CPA5: variants seen among roughly 807,000 people sequenced by gnomAD.
CPA5 encodes the protein carboxypeptidase A5, also known as testicular tissue protein Li 32.
In CPA5, 38 loss-of-function variants were observed where a neutral mutation model predicts 52.2. The observed-to-expected ratio is 0.73, with a 90% CI of 0.56 to 0.95. CPA5 has a LOEUF of 0.95. Ranked by LOEUF, CPA5 falls within the 40% of genes least tolerant of loss-of-function variation. CPA5 has a pLI of 0.00. For synonymous variants in CPA5, 198 were observed against 213.7 expected (o/e 0.93, Z 0.64); for missense variants, 519 against 566.7 (o/e 0.92, Z 0.86).
In CPA5 at chr7:130,346,569, G is replaced by C. The variant is rs1199541584; in HGVS notation, c.84G>C (p.Leu28=). Residue 28 remains leucine (L), a synonymous_variant, in exon 3 of 13, where the codon CTG becomes CTC. Coordinates refer to ENST00000474905, the MANE Select transcript of CPA5 (RefSeq NM_080385.5). ...CACTCCTGGTCTTCAGCTTTATCCTGGCAGCAGCTTTGGGCCAAATGAATT... is the reference window on the plus strand; with the variant it reads ...CACTCCTGGTCTTCAGCTTTATCCTCGCAGCAGCTTTGGGCCAAATGAATT... The part of the protein sequence containing the change: ...RRTLLVFSFI[L]AAALGQMNFT... 3.1e-6 allele frequency: 5 copies of C among 1,613,872 alleles called. No individual in the cohort carries two copies. Among genetic ancestry groups the C allele is most frequent in the Non-Finnish European group, 4.2e-6 (5 of 1,179,928 alleles).
At position 130,355,396 on chromosome 7, in the gene CPA5, G is replaced by GGTGTGTGT. The variant is rs147556341; in HGVS notation, c.334-4176_334-4169dup. Among the ~76,000 whole-genome samples, 473 of 149,266 alleles carry GGTGTGTGT rather than the reference G, an allele frequency of 3.2e-3. 5 individuals carry two copies. Among genetic ancestry groups the GGTGTGTGT allele is most frequent in the African/African-American group, 0.011 (450 of 40,822 alleles). Reference sequence around the variant, plus strand: ...CCCTTCTAATCCTCATGAGAACATTGGTGTGTGTGTGTGTGTGTGTGTGTT... The same window carrying GGTGTGTGT: ...CCCTTCTAATCCTCATGAGAACATTGGTGTGTGTGTGTGTGTGTGTGTGTGTGTGTGTT... On this transcript the variant is annotated intron_variant, in intron 5 of 12. Transcript: ENST00000474905.
intron 5 of CPA5, among the ~76,000 whole-genome samples, chr7:130,354,958 G>C (rs1215513031): frequency 6.6e-6 from 1 of 152,168 alleles, no homozygotes; most frequent in Non-Finnish European, 1.5e-5. Context: ...GGCAGCTCCA[G>C]AGAGGAGAAG....
chr7:130,363,659 C>T (rs2117434047), intron 10 of CPA5, 150 bp downstream of exon 10: 1 of 680,952 alleles, frequency 1.5e-6, no homozygotes. Flanking sequence ...CAGGGACAGG[C>T]AAGCACATAC....
At chr7:130,357,314 G>C (rs942228211) in intron 5 of CPA5, among the ~76,000 whole-genome samples, 1 of 152,140 alleles carries the variant, frequency 6.6e-6, no homozygotes. Flanking sequence ...CTTCCTGACG[G>C]GGGTGGAAGA....
intron 5 of CPA5, among the ~76,000 whole-genome samples, 184 bp from the exon 6 acceptor site, chr7:130,359,405 T>C (rs1795668788): frequency 6.6e-6 from 1 of 152,230 alleles, no homozygotes; most frequent in Non-Finnish European, 1.5e-5. Flanking sequence ...GACTGCCAGC[T>C]TGCCAGGCAG....
chr7:130,349,417 C>T (rs1162153563), intron 4 of CPA5, among the ~76,000 whole-genome samples: 1 of 151,862 alleles, frequency 6.6e-6, no homozygotes, highest in Non-Finnish European at 1.5e-5. Flanking sequence ...CTGGGCGAAA[C>T]TCCATCTCAA....
intron 5 of CPA5, among the ~76,000 whole-genome samples, chr7:130,358,257 C>A (rs1282495503): frequency 6.6e-6 from 1 of 152,056 alleles, no homozygotes; most frequent in Non-Finnish European, 1.5e-5. Context: ...CCTTGGACTC[C>A]CAAAGTGCTG....
intron 5 of CPA5, among the ~76,000 whole-genome samples, chr7:130,350,618 G>T (rs78886074): frequency 0.017 from 2,544 of 152,254 alleles, 33 homozygotes; most frequent in Non-Finnish European, 0.026. Flanking sequence ...AACCTCCACC[G>T]CTTGGCTCTC....
Position 130,367,537 on chromosome 7 carries a change from G to T in CPA5, c.1004G>T (p.Arg335Leu). The change falls in exon 11 of 13, where the codon CGA (arginine) becomes CTA (leucine). Residue 335 changes from arginine to leucine, a missense_variant. Transcript: ENST00000474905. ...YSQMLMYPYG[R>L]LLEPVSNQRE... ...CAGATGCTTATGTACCCTTACGGCC[G>T]ATTGCTGGAGCCCGTTTCAAATCAG... The T allele has an allele frequency of 1.2e-6, 2 of 1,614,062 alleles. No homozygotes were observed. The highest frequency in any genetic ancestry group is 1.7e-6 in the Non-Finnish European group (2 of 1,179,980).
rs1795772812 is a variant in CPA5 at position 130,361,198 on chromosome 7, T to C, written c.488T>C (p.Ile163Thr). The change falls in exon 7 of 13, where the codon ATT becomes ACT. Residue 163 changes from isoleucine (I) to threonine (T), a missense_variant. Ile to Thr is a moderately conservative substitution (Grantham distance 89, BLOSUM62 -1). Transcript: ENST00000474905. Reference sequence around the variant, plus strand: ...GAGCATTCCGATATTGTCTCAAAAATTCAGATTGGCAACAGCTTTGAAAAC... The same window carrying C: ...GAGCATTCCGATATTGTCTCAAAAACTCAGATTGGCAACAGCTTTGAAAAC... ...VMEHSDIVSK[I>T]QIGNSFENQS... is the part of the protein sequence containing the mutation. 6.2e-7 allele frequency: 1 copy of C among 1,614,024 alleles called. No homozygotes were observed. The highest frequency in any genetic ancestry group is 8.5e-7 in the Non-Finnish European group (1 of 1,179,984).
chr7:130,369,677 G>A (rs781831440), downstream of CPA5, among the ~76,000 whole-genome samples: 13 of 151,900 alleles, frequency 8.6e-5, no homozygotes, highest in Admixed American at 2.0e-4. Context: ...GTGCATGTGC[G>A]TGTGTGTGTC....
In CPA5 at chr7:130,361,229, C is replaced by A. The variant is rs146815652; in HGVS notation, c.519C>A (p.Ser173=). Residue 173 remains serine, a synonymous_variant, in exon 7 of 13, where the codon TCC becomes TCA. Transcript: ENST00000474905. ...TTGGCAACAGCTTTGAAAACCAGTCCATTCTTGTCCTGAAGGTAAAAGCCC... is the reference window on the plus strand; with the variant it reads ...TTGGCAACAGCTTTGAAAACCAGTCAATTCTTGTCCTGAAGGTAAAAGCCC... ...IQIGNSFENQ[S]ILVLKFSTGG... is the part of the protein sequence containing the mutation. The A allele has an allele frequency of 5.8e-5, 93 of 1,612,176 alleles. No homozygotes were observed. In the African/African-American group the frequency reaches 9.6e-4, roughly 17 times the overall value.
At chr7:130,345,622 A>G (rs1794688079) in intron 1 of CPA5, 1 of 152,140 alleles carries the variant, frequency 6.6e-6, no homozygotes, top group Non-Finnish European at 1.5e-5. Flanking sequence ...CTAGCAGAAA[A>G]CCCACTGTCT....
At chr7:130,349,860 C>A (rs1795019082) in intron 4 of CPA5, 115 bp from the exon 5 acceptor site, 8 of 1,231,086 alleles carry the variant, frequency 6.5e-6, no homozygotes, top group Non-Finnish European at 9.0e-6. Context: ...CCATCTCCTG[C>A]GTAGAAAGAG....
In CPA5 at chr7:130,368,460, T is replaced by A. The variant is rs969079474; in HGVS notation, c.1174T>A (p.Tyr392Asn). Residue 392 changes from tyrosine (Y) to asparagine (N), a missense_variant, in exon 13 of 13, where the codon TAC (tyrosine) becomes AAC (asparagine). By Grantham distance (143) the Tyr-to-Asn change is moderately radical (BLOSUM62 -2). Transcript: ENST00000474905. ...CTGGGCCTATGACAGTGGCATCAAG[T>A]ACGCCTTCAGCTTTGAGCTCCGGGA... ...VDWAYDSGIK[Y>N]AFSFELRDTG... 3.1e-6 allele frequency: 5 copies of A among 1,614,042 alleles called. No individual in the cohort carries two copies. In the Admixed American group the frequency reaches 8.3e-5, roughly 27 times the overall value.
downstream of CPA5, among the ~76,000 whole-genome samples, chr7:130,369,572 C>T (rs1796268507): frequency 6.6e-6 from 1 of 152,102 alleles, no homozygotes; most frequent in African/African-American, 2.4e-5. Flanking sequence ...GAGGCAGAAA[C>T]ATTAGTCGTG....
intron 5 of CPA5, among the ~76,000 whole-genome samples, chr7:130,356,717 T>C (rs1170828885): frequency 1.3e-5 from 2 of 152,260 alleles, no homozygotes; most frequent in African/African-American, 2.4e-5. Context: ...TCCTGGGTCC[T>C]GTCTTCCTGT....
chr7:130,347,345 C>A lies in CPA5; in HGVS notation c.117-421C>A, dbSNP rs75202043. Among the ~76,000 whole-genome samples, 10 of 152,216 alleles carry A rather than the reference C, an allele frequency of 6.6e-5. No homozygotes were observed. In the East Asian group the frequency reaches 1.4e-3, roughly 21 times the overall value. ...GTCGAGACAGACCATGGCCTTGGGGCCCCCTCGCGAAGAGCCCTTGGGGCC... is the reference window on the plus strand; with the variant it reads ...GTCGAGACAGACCATGGCCTTGGGGACCCCTCGCGAAGAGCCCTTGGGGCC... On this transcript the variant is annotated intron_variant, in intron 3 of 12. Coordinates refer to ENST00000474905, the MANE Select transcript of CPA5 (RefSeq NM_080385.5).
chr7:130,362,832 C>A, intron 8 of CPA5, 52 bp from the exon 9 acceptor site: 1 of 1,200,000 alleles, frequency 8.3e-7, no homozygotes, highest in Non-Finnish European at 1.2e-6. Context: ...TCCTGTGCCA[C>A]CTCCCAGGAG....
Sources: gnomAD v4.1 joint callset for allele counts (sites outside exome capture counted in the v4.1 genomes callset) on GRCh38, gnomAD v4.1.1 for gene constraint, MANE v1.5 for transcripts, NCBI Gene and HGNC (gene_info 2026-07-23, HGNC 2026-07-21) for gene names.